OTUD4: variants seen among roughly 807,000 people sequenced by gnomAD.
OTUD4 encodes the protein OTU domain-containing protein 4.
In OTUD4, 24 loss-of-function variants were observed where a neutral mutation model predicts 130.4. The ratio of observed to expected loss-of-function variants is 0.18; its 90% CI spans 0.13 to 0.26. The LOEUF (loss-of-function observed/expected upper bound fraction) is 0.26, where lower values mean the gene tolerates loss of function less well. Ranked by LOEUF, OTUD4 falls within the 10% of genes least tolerant of loss-of-function variation. OTUD4 has a pLI of 1.00. For synonymous variants in OTUD4, 420 were observed against 472.5 expected, an observed-to-expected ratio of 0.89 and a Z score of 1.44; for missense variants, 1,031 against 1,329.4, an observed-to-expected ratio of 0.78 and a Z score of 3.49.
chr4:145,155,790 A>C, intron 8 of OTUD4, 104 bp from the exon 9 acceptor site: 1 of 1,023,346 alleles, frequency 9.8e-7, no homozygotes, highest in South Asian at 1.6e-5. Flanking sequence ...AAACTTCAAA[A>C]AATTAGGAAG....
intron 13 of OTUD4, 97 bp downstream of exon 13, chr4:145,150,416 G>A (rs1682418763): frequency 1.2e-6 from 1 of 814,332 alleles, no homozygotes; most frequent in Non-Finnish European, 2.0e-6. Flanking sequence ...AATGATATGA[G>A]TAAAAAGTTA....
chr4:145,160,384 ATAAAG>A (rs1457737549), intron 6 of OTUD4, among the ~76,000 whole-genome samples: 13 of 152,264 alleles, frequency 8.5e-5, no homozygotes, highest in Non-Finnish European at 4.4e-5. Context: ...GCTGCTTTAA[ATAAAG>A]TAAAATTTTA....
At chr4:145,158,334 T>G (rs913134656) in intron 7 of OTUD4, among the ~76,000 whole-genome samples, 2 of 152,016 alleles carry the variant, frequency 1.3e-5, no homozygotes, top group East Asian at 3.9e-4. Flanking sequence ...TACAAAAAAT[T>G]AGCCAGGCTT....
Position 145,155,619 on chromosome 4 carries a change from G to A in OTUD4, c.758C>T (p.Pro253Leu). The A allele has an allele frequency of 6.2e-7, 1 of 1,613,146 alleles. No homozygotes were observed. Among genetic ancestry groups the A allele is most frequent in the South Asian group, 1.1e-5 (1 of 90,766 alleles). The change falls in exon 9 of 21, where the codon CCT becomes CTT. Residue 253 changes from proline (P) to leucine (L), a missense_variant. Transcript: ENST00000447906. ...ATATTCCACATTTCTATAGACTGCA[G>A]GATTGAGTGACTTAAGAACCTTTCT... is the stretch of plus-strand genomic sequence containing the variant. ...LSRKVLKSLN[P>L]AVYRNVEYEI...
At position 145,146,291 on chromosome 4, in the gene OTUD4, A is replaced by G; in HGVS notation, c.1398T>C (p.Asp466=). 1 of 1,565,818 alleles carries G rather than the reference A, an allele frequency of 6.4e-7. No individual in the cohort carries two copies. Among genetic ancestry groups the G allele is most frequent in the Admixed American group, 2.0e-5 (1 of 50,874 alleles). The change falls in exon 14 of 21, where the codon GAT becomes GAC. Residue 466 remains aspartate, a synonymous_variant. Coordinates refer to ENST00000447906, the MANE Select transcript of OTUD4 (RefSeq NM_001366057.1). ...SRLLYEIQNR[D]EQAFPALSSS... is the part of the protein sequence containing the mutation. ...CGGAAAGGGCTGGGAAAGCCTGTTC[A>G]TCTCTGTTCTGAATCTCATAGAGTA...
intron 3 of OTUD4, among the ~76,000 whole-genome samples, chr4:145,165,522 G>A (rs967057330): frequency 3.3e-5 from 5 of 151,992 alleles, no homozygotes; most frequent in African/African-American, 1.2e-4. Flanking sequence ...TTGTTGCTCA[G>A]GCTGGAGTGC....
intron 10 of OTUD4, among the ~76,000 whole-genome samples, chr4:145,152,982 G>A (rs774900097): frequency 6.6e-6 from 1 of 150,810 alleles, no homozygotes; most frequent in Non-Finnish European, 1.5e-5. Context: ...TGATCCACCC[G>A]CCTAGGCCTC....
intron 3 of OTUD4, among the ~76,000 whole-genome samples, chr4:145,169,303 C>G (rs1490490606): frequency 6.6e-6 from 1 of 152,114 alleles, no homozygotes; most frequent in Admixed American, 6.5e-5. Flanking sequence ...TACCTCAAAG[C>G]TGACAAAAAC....
intron 10 of OTUD4, among the ~76,000 whole-genome samples, chr4:145,153,470 T>C (rs1751154873): frequency 6.6e-6 from 1 of 152,190 alleles, no homozygotes; most frequent in Non-Finnish European, 1.5e-5. Flanking sequence ...AGGATACACA[T>C]AAAGAATACC....
chr4:145,141,155 C>T (rs1367436109), intron 19 of OTUD4, among the ~76,000 whole-genome samples: 25 of 136,666 alleles, frequency 1.8e-4, no homozygotes, highest in Non-Finnish European at 3.4e-4. Context: ...GGTGACAGAG[C>T]GAGACTCCGT....
At chr4:145,175,022 T>G (rs1045105218) in intron 1 of OTUD4, among the ~76,000 whole-genome samples, 2 of 152,218 alleles carry the variant, frequency 1.3e-5, no homozygotes, top group Non-Finnish European at 2.9e-5. Flanking sequence ...TTTAGGACAC[T>G]CTCTTCCCTT....
rs1579242702 is a variant in OTUD4 at position 145,141,364 on chromosome 4, G to A, written c.2083+15C>T. ...GACTTGATAAAGTCGATTTGAACTT[G>A]GAGAAGGAGCTCACCTTTAGGTAGG... On this transcript the variant is annotated intron_variant, in intron 19 of 20. Coordinates refer to ENST00000447906, the MANE Select transcript of OTUD4 (RefSeq NM_001366057.1). 5.8e-6 allele frequency: 9 copies of A among 1,563,976 alleles called. No individual in the cohort carries two copies. Among genetic ancestry groups the A allele is most frequent in the Non-Finnish European group, 7.8e-6 (9 of 1,155,516 alleles).
At chr4:145,164,449 AGAT>A (rs1259192941) in intron 4 of OTUD4, among the ~76,000 whole-genome samples, 1 of 152,076 alleles carries the variant, frequency 6.6e-6, no homozygotes, top group Non-Finnish European at 1.5e-5. Context: ...ATTAAATTTC[AGAT>A]ATAATTCTAA....
In OTUD4 at chr4:145,137,291, C is replaced by T. The variant is rs564935423; in HGVS notation, c.*139G>A. The T allele has an allele frequency of 1.2e-5, 8 of 674,324 alleles. No individual in the cohort carries two copies. The East Asian group carries it at 1.8e-4, about 15-fold the overall frequency. 41.8% of individuals were successfully genotyped at this position (674,324 alleles called of 1,614,324 possible). ...GAACTCATGTCCAAAATGTCTTGTC[C>T]AGTATGGGAGTGAAGGTAAGGGGGG... On this transcript the variant is annotated 3_prime_UTR_variant, in exon 21 of 21. Transcript: ENST00000447906.
At chr4:145,171,822 A>G in intron 2 of OTUD4, 102 bp from the exon 3 acceptor site, 1 of 703,002 alleles carries the variant, frequency 1.4e-6, no homozygotes, top group Non-Finnish European at 2.6e-6. Context: ...GAGTTTGTAC[A>G]TAAACCTAAA....
intron 6 of OTUD4, among the ~76,000 whole-genome samples, chr4:145,162,302 C>T (rs2126785147): frequency 6.6e-6 from 1 of 152,136 alleles, no homozygotes; most frequent in African/African-American, 2.4e-5. Flanking sequence ...GCCTGTAATC[C>T]CAGCACTTTG....
intron 20 of OTUD4, among the ~76,000 whole-genome samples, chr4:145,139,484 A>G (rs1204547633): frequency 6.6e-6 from 1 of 152,194 alleles, no homozygotes; most frequent in Non-Finnish European, 1.5e-5. Flanking sequence ...CAACCACACT[A>G]TCTTACATAG....
chr4:145,150,233 A>AT (rs1237405974), intron 13 of OTUD4, among the ~76,000 whole-genome samples: 1 of 152,224 alleles, frequency 6.6e-6, no homozygotes. Context: ...CCAGAAAATA[A>AT]TTAAGTGCCA....
At chr4:145,170,098 A>G (rs955088654) in intron 3 of OTUD4, among the ~76,000 whole-genome samples, 4 of 152,204 alleles carry the variant, frequency 2.6e-5, no homozygotes, top group Non-Finnish European at 5.9e-5. Context: ...AAAACCTTAT[A>G]TGGTTTCCCA....
Sources: gnomAD v4.1 joint callset for allele counts (sites outside exome capture counted in the v4.1 genomes callset) on GRCh38, gnomAD v4.1.1 for gene constraint, MANE v1.5 for transcripts, NCBI Gene and HGNC (gene_info 2026-07-23, HGNC 2026-07-21) for gene names.